SLC25A21: variants seen among roughly 807,000 people sequenced by gnomAD.
SLC25A21 encodes the protein solute carrier family 25 member 21.
Under a neutral mutation model 43.8 loss-of-function variants are expected in SLC25A21, and 47 were observed. That is an observed-to-expected ratio of 1.07 (90% CI 0.85 to 1.37). SLC25A21 has a LOEUF of 1.37. Among genes scored for constraint, SLC25A21 ranks in the 40% most tolerant of loss-of-function variants. SLC25A21 has a pLI of 0.00. For synonymous variants in SLC25A21, 131 were observed against 121.3 expected (o/e 1.08, Z -0.52); for missense variants, 352 against 350.2 (o/e 1.00, Z -0.04).
chr14:37,014,724 A>G lies in SLC25A21; in HGVS notation c.71-139720T>C, dbSNP rs116667129. On this transcript the variant is annotated intron_variant, in intron 1 of 9. Coordinates refer to ENST00000331299, the MANE Select transcript of SLC25A21 (RefSeq NM_030631.4). ...AGAAGAATCACTATCTATGGGAGCT[A>G]TAGCCTTCCAAAATATAATTCTTTA... Among the ~76,000 whole-genome samples, 1,427 of 152,256 alleles carry G rather than the reference A, an allele frequency of 9.4e-3. 31 individuals carry two copies. The highest frequency in any genetic ancestry group is 0.031 in the African/African-American group (1,296 of 41,550).
intron 7 of SLC25A21, among the ~76,000 whole-genome samples, chr14:36,710,188 C>A (rs931031224): frequency 6.6e-6 from 1 of 151,800 alleles, no homozygotes; most frequent in African/African-American, 2.4e-5. Context: ...AGTTTGAGAC[C>A]AGCCTGGTCA....
intron 1 of SLC25A21, among the ~76,000 whole-genome samples, chr14:37,139,735 G>A (rs1196386958): frequency 6.6e-6 from 1 of 152,138 alleles, no homozygotes. Flanking sequence ...AGACAGTGAA[G>A]GCAGTACATT....
At chr14:36,808,599 C>T (rs1477817654) in intron 3 of SLC25A21, among the ~76,000 whole-genome samples, 3 of 152,152 alleles carry the variant, frequency 2.0e-5, no homozygotes, top group Non-Finnish European at 2.9e-5. Context: ...ATTTGATCCT[C>T]AGTGGAAGAT....
chr14:36,961,858 T>C (rs1959500410), intron 1 of SLC25A21, among the ~76,000 whole-genome samples: 1 of 152,166 alleles, frequency 6.6e-6, no homozygotes, highest in Admixed American at 6.5e-5. Context: ...GCTAGAGCAG[T>C]TGTGAGAGCT....
At chr14:37,145,517 G>A (rs1256985486) in intron 1 of SLC25A21, among the ~76,000 whole-genome samples, 1 of 151,302 alleles carries the variant, frequency 6.6e-6, no homozygotes, top group East Asian at 1.9e-4. Context: ...ACCACAGTAG[G>A]AATTTAATAG....
chr14:36,829,360 G>C (rs1290677699), intron 2 of SLC25A21, among the ~76,000 whole-genome samples: 1 of 152,134 alleles, frequency 6.6e-6, no homozygotes, highest in African/African-American at 2.4e-5. Context: ...TTATTCATCT[G>C]GTTCCTTCCC....
At chr14:36,897,797 C>T (rs575591815) in intron 1 of SLC25A21, among the ~76,000 whole-genome samples, 268 of 152,314 alleles carry the variant, frequency 1.8e-3, no homozygotes, top group African/African-American at 6.2e-3. Context: ...GCTGGAGGTC[C>T]ACTCCAGACA....
At chr14:36,691,502 C>T (rs938526424) in intron 7 of SLC25A21, among the ~76,000 whole-genome samples, 2 of 152,168 alleles carry the variant, frequency 1.3e-5, no homozygotes, top group African/African-American at 4.8e-5. Flanking sequence ...ATGTTCCTCA[C>T]CAATAAGCCT....
intron 1 of SLC25A21, among the ~76,000 whole-genome samples, chr14:37,066,882 A>C (rs552535203): frequency 6.6e-6 from 1 of 152,308 alleles, no homozygotes; most frequent in Admixed American, 6.5e-5. Context: ...CTTATCTAGA[A>C]GTTTTAAATG....
intron 2 of SLC25A21, among the ~76,000 whole-genome samples, chr14:36,863,066 G>C (rs1890118328): frequency 6.6e-6 from 1 of 152,142 alleles, no homozygotes; most frequent in African/African-American, 2.4e-5. Flanking sequence ...TCATCATGCT[G>C]ATGCTCATTT....
intron 1 of SLC25A21, among the ~76,000 whole-genome samples, chr14:36,996,786 C>CG (rs1249954041): frequency 6.6e-5 from 10 of 152,242 alleles, no homozygotes; most frequent in African/African-American, 2.4e-4. Context: ...GACTTGGCCA[C>CG]GGCCCTGTCT....
At chr14:36,701,032 A>C (rs1291468524) in intron 7 of SLC25A21, among the ~76,000 whole-genome samples, 1 of 152,110 alleles carries the variant, frequency 6.6e-6, no homozygotes, top group East Asian at 1.9e-4. Context: ...AGCTATTGTT[A>C]GTTCTAATAG....
At chr14:36,680,792 A>G in intron 9 of SLC25A21, 73 bp from the exon 10 acceptor site, 1 of 1,404,996 alleles carries the variant, frequency 7.1e-7, no homozygotes, top group South Asian at 1.2e-5. Flanking sequence ...GGGTTTCTGA[A>G]TCCATGATGT....
At chr14:36,974,200 A>G (rs1959817853) in intron 1 of SLC25A21, among the ~76,000 whole-genome samples, 1 of 152,140 alleles carries the variant, frequency 6.6e-6, no homozygotes, top group Non-Finnish European at 1.5e-5. Flanking sequence ...AAGTTTACTG[A>G]CTCTCAGTAA....
chr14:36,781,376 T>C (rs915949458), intron 3 of SLC25A21, among the ~76,000 whole-genome samples: 3 of 152,176 alleles, frequency 2.0e-5, no homozygotes, highest in Non-Finnish European at 4.4e-5. Flanking sequence ...ATTTTGTTGT[T>C]TTCTGACTAT....
chr14:36,962,058 C>A (rs1373578250), intron 1 of SLC25A21, among the ~76,000 whole-genome samples: 1 of 152,222 alleles, frequency 6.6e-6, no homozygotes, highest in Admixed American at 6.5e-5. Context: ...ACTGCAGCGA[C>A]TTCCAAGGTG....
intron 1 of SLC25A21, among the ~76,000 whole-genome samples, chr14:36,980,376 G>C (rs1000682203): frequency 2.0e-5 from 3 of 152,140 alleles, no homozygotes; most frequent in Non-Finnish European, 2.9e-5. Context: ...GTCACTTTCA[G>C]GTACACCAAT....
chr14:37,098,175 T>C (rs747145156), intron 1 of SLC25A21: 9 of 152,202 alleles, frequency 5.9e-5, no homozygotes, highest in Non-Finnish European at 1.2e-4. Flanking sequence ...AGTAAGATTG[T>C]TGAGAGGCAG....
intron 3 of SLC25A21, among the ~76,000 whole-genome samples, chr14:36,749,745 C>T (rs1885632617): frequency 6.6e-6 from 1 of 152,194 alleles, no homozygotes; most frequent in Non-Finnish European, 1.5e-5. Context: ...CTGGGATCCT[C>T]ACCTCACAAA....
Sources: allele counts gnomAD v4.1 joint callset (sites outside exome capture counted in the v4.1 genomes callset), GRCh38; gene constraint gnomAD v4.1.1; transcripts MANE v1.5; gene names NCBI Gene and HGNC (gene_info 2026-07-23, HGNC 2026-07-21).